Variants in LRP1B observed in about 807,000 individuals in gnomAD.
The protein encoded by LRP1B is LDL receptor related protein 1B.
A neutral mutation model predicts 556.6 loss-of-function variants in LRP1B; 217 were observed. The ratio of observed to expected loss-of-function variants is 0.39; its 90% CI spans 0.35 to 0.44. The LOEUF is 0.44. Among genes scored for constraint, LRP1B ranks in the 20% least tolerant of loss-of-function variants. The probability of loss-of-function intolerance (pLI) is 1.00; values close to 1 mark genes in which losing one functional copy is unlikely to be tolerated. For synonymous variants in LRP1B, 2,047 were observed against 1,865.8 expected (o/e 1.10, Z -2.50); for missense variants, 5,053 against 5,620.8 (o/e 0.90, Z 3.23).
chr2:141,460,954 T>A (rs1223155234), intron 3 of LRP1B, among the ~76,000 whole-genome samples: 1 of 151,864 alleles, frequency 6.6e-6, no homozygotes, highest in Non-Finnish European at 1.5e-5. Flanking sequence ...GAGTTGGAGA[T>A]ATCTATTAGA....
At chr2:140,653,723 T>C (rs547644387) in intron 41 of LRP1B, among the ~76,000 whole-genome samples, 7 of 152,012 alleles carry the variant, frequency 4.6e-5, no homozygotes, top group Non-Finnish European at 8.8e-5. Flanking sequence ...TAAAGAAGCA[T>C]ACTAAAAGAC....
At chr2:141,891,155 AC>A (rs1558943463) in intron 1 of LRP1B, among the ~76,000 whole-genome samples, 1 of 152,060 alleles carries the variant, frequency 6.6e-6, no homozygotes, top group Non-Finnish European at 1.5e-5. Context: ...TTTTTAAACA[AC>A]TTTTGCCAGA....
chr2:140,344,690 G>T (rs1573821725), intron 77 of LRP1B, among the ~76,000 whole-genome samples: 1 of 151,752 alleles, frequency 6.6e-6, no homozygotes, highest in Non-Finnish European at 1.5e-5. Flanking sequence ...TCAAGGTTTT[G>T]TTTTAGATAC....
chr2:141,115,452 G>GTTTTT (rs1364204085), intron 7 of LRP1B, among the ~76,000 whole-genome samples: 140 of 90,588 alleles, frequency 1.5e-3, no homozygotes, highest in African/African-American at 4.3e-3. Flanking sequence ...ATAGGTTTTT[G>GTTTTT]TTTTTGTTTT....
chr2:140,664,159 A>G (rs890078550), intron 41 of LRP1B, among the ~76,000 whole-genome samples: 7 of 152,208 alleles, frequency 4.6e-5, no homozygotes, highest in African/African-American at 9.6e-5. Context: ...GCAAATTACC[A>G]TAACAGATAT....
chr2:141,347,541 C>G (rs1688298822), intron 3 of LRP1B, among the ~76,000 whole-genome samples: 1 of 151,882 alleles, frequency 6.6e-6, no homozygotes. Context: ...AGCTTTACAA[C>G]AAACTATTCC....
chr2:141,915,297 A>T (rs7584045), intron 1 of LRP1B, among the ~76,000 whole-genome samples: 3 of 152,080 alleles, frequency 2.0e-5, no homozygotes, highest in Admixed American at 1.3e-4. Flanking sequence ...TAGCCACATG[A>T]AGGAGAATGA....
chr2:140,447,552 T>C (rs537878598), intron 63 of LRP1B, among the ~76,000 whole-genome samples: 2 of 152,314 alleles, frequency 1.3e-5, no homozygotes, highest in Admixed American at 1.3e-4. Context: ...AAGGAACTGT[T>C]GTGGATGGCT....
chr2:141,230,365 C>T (rs943720221), intron 5 of LRP1B, among the ~76,000 whole-genome samples: 20 of 152,274 alleles, frequency 1.3e-4, no homozygotes, highest in Middle Eastern at 3.4e-3. Context: ...CTGCCATGAT[C>T]ACTCATCTAG....
At chr2:140,896,296 A>G (rs1203126388) in intron 23 of LRP1B, among the ~76,000 whole-genome samples, 1 of 152,100 alleles carries the variant, frequency 6.6e-6, no homozygotes, top group African/African-American at 2.4e-5. Flanking sequence ...TTATAAAAGT[A>G]GCATTTATGA....
At chr2:140,781,061 C>A (rs146802490) in intron 32 of LRP1B, among the ~76,000 whole-genome samples, 1 of 152,152 alleles carries the variant, frequency 6.6e-6, no homozygotes, top group Admixed American at 6.5e-5. Context: ...AAACCACACT[C>A]TGTTCACACA....
intron 85 of LRP1B, among the ~76,000 whole-genome samples, chr2:140,272,886 A>G (rs1026153980): frequency 6.6e-6 from 1 of 151,974 alleles, no homozygotes; most frequent in Non-Finnish European, 1.5e-5. Context: ...ATCCATTTTT[A>G]TATATACATT....
intron 7 of LRP1B, among the ~76,000 whole-genome samples, chr2:141,081,333 CCA>C (rs1399298329): frequency 1.3e-5 from 2 of 151,974 alleles, no homozygotes; most frequent in Admixed American, 1.3e-4. Flanking sequence ...CTTCTGAGCC[CCA>C]GATTTTTTAT....
In LRP1B at chr2:141,854,333, AAAGC is replaced by A. The variant is rs757765512; in HGVS notation, c.83-43936_83-43933del. On this transcript the variant is annotated intron_variant, in intron 1 of 90. Coordinates refer to ENST00000389484, the MANE Select transcript of LRP1B (RefSeq NM_018557.3). ...TCTCAGAGCTCAATTTTGTGTAACA[AAAGC>A]AAGGGGGGAAAAAGCAATTGCCATT... 5.9e-5 allele frequency among the ~76,000 whole-genome samples: 9 copies of A among 152,148 alleles called. No individual in the cohort carries two copies. In the Middle Eastern group the frequency reaches 0.01, roughly 173 times the overall value.
intron 1 of LRP1B, among the ~76,000 whole-genome samples, chr2:142,018,199 C>T (rs917692030): frequency 2.0e-5 from 3 of 152,076 alleles, no homozygotes; most frequent in African/African-American, 7.2e-5. Context: ...ATTAAATGTG[C>T]CCATAATAAC....
intron 43 of LRP1B, among the ~76,000 whole-genome samples, chr2:140,568,090 T>G (rs997076264): frequency 6.6e-6 from 1 of 150,660 alleles, no homozygotes; most frequent in Non-Finnish European, 1.5e-5. Flanking sequence ...AATATGACAC[T>G]ACCAAAGGAG....
At chr2:140,588,392 G>A (rs1480263691) in intron 43 of LRP1B, among the ~76,000 whole-genome samples, 1 of 152,166 alleles carries the variant, frequency 6.6e-6, no homozygotes, top group Non-Finnish European at 1.5e-5. Flanking sequence ...ATATACTGCA[G>A]TACCTAAAGC....
At chr2:140,522,180 T>C (rs755499295) in intron 49 of LRP1B, among the ~76,000 whole-genome samples, 36 of 151,956 alleles carry the variant, frequency 2.4e-4, no homozygotes, top group Non-Finnish European at 4.6e-4. Context: ...ACCACAGGTG[T>C]GGTCATAAAA....
intron 2 of LRP1B, among the ~76,000 whole-genome samples, chr2:141,740,162 G>A (rs1035019313): frequency 5.3e-5 from 8 of 152,204 alleles, no homozygotes; most frequent in African/African-American, 1.9e-4. Context: ...TGCACCTCTA[G>A]ATCATAGACG....
Sources: allele counts gnomAD v4.1 joint callset (sites outside exome capture counted in the v4.1 genomes callset), GRCh38; gene constraint gnomAD v4.1.1; transcripts MANE v1.5; gene names NCBI Gene and HGNC (gene_info 2026-07-23, HGNC 2026-07-21).